Variants in FAXDC2 observed in about 807,000 individuals in gnomAD.
FAXDC2 encodes the protein fatty acid hydroxylase domain containing 2.
FAXDC2 carries 41 observed loss-of-function variants against 40.9 expected under a neutral mutation model. The observed-to-expected ratio is 1.00, with a 90% CI of 0.78 to 1.30. The LOEUF is 1.30. FAXDC2 is among the 50% of genes most tolerant of loss of function. FAXDC2 has a pLI of 0.00. For missense variants in FAXDC2, 390 were observed against 408.8 expected, an observed-to-expected ratio of 0.95 and a Z score of 0.40; for synonymous variants, 157 against 149.3, an observed-to-expected ratio of 1.05 and a Z score of -0.38.
At position 154,840,249 on chromosome 5, in the gene FAXDC2, TTTA is replaced by T. The variant is rs532463982; in HGVS notation, c.1-2074_1-2072del. ...AACTGCTCCCCTTTGACCCATTTTT[TTTA>T]TTATTATTTTTATTTTAATAACGAG... is the stretch of plus-strand genomic sequence containing the variant. On this transcript the variant is annotated intron_variant, in intron 1 of 8. Coordinates refer to ENST00000326080, the MANE Select transcript of FAXDC2 (RefSeq NM_032385.5). Among the ~76,000 whole-genome samples the T allele has an allele frequency of 1.4e-4, 21 of 152,360 alleles. No individual in the cohort carries two copies. In the South Asian group the frequency reaches 3.3e-3, roughly 24 times the overall value.
intron 1 of FAXDC2, among the ~76,000 whole-genome samples, chr5:154,847,566 C>T (rs1335751806): frequency 6.7e-6 from 1 of 148,932 alleles, no homozygotes; most frequent in Non-Finnish European, 1.5e-5. Context: ...TGGCTCACTG[C>T]AGCCTCTGCC....
At chr5:154,834,962 C>A (rs780609551) in intron 2 of FAXDC2, 28 bp from the exon 3 acceptor site, 1 of 1,433,724 alleles carries the variant, frequency 7.0e-7, no homozygotes, top group South Asian at 1.2e-5. Context: ...AGTGTCAGAC[C>A]CCAGCAAGCC....
At chr5:154,826,331 C>T (rs1167752605) in intron 5 of FAXDC2, among the ~76,000 whole-genome samples, 1 of 151,964 alleles carries the variant, frequency 6.6e-6, no homozygotes, top group Admixed American at 6.6e-5. Context: ...AGTTCAAGAC[C>T]AGCCTGGGCA....
rs1273511650 is a variant in FAXDC2, at chr5:154,822,721, C to A, written c.573-144G>T. ...CCAAGACCTGCCTTCAAATTTCAAC[C>A]CCAGCCCTTATACTGCATAGTTTGG... is the stretch of plus-strand genomic sequence containing the variant. On this transcript the variant is annotated intron_variant, in intron 6 of 8. Transcript: ENST00000326080. The A allele has an allele frequency of 1.2e-5, 8 of 663,896 alleles. No individual in the cohort carries two copies. In the East Asian group the frequency reaches 2.2e-4, roughly 18 times the overall value. The allele number at this position is 663,896 out of a possible 1,614,324, so 41.1% of individuals were successfully genotyped here. A position where few individuals can be genotyped will look rare whatever the true frequency, so the allele number is the denominator to read the frequency against.
intron 1 of FAXDC2, among the ~76,000 whole-genome samples, chr5:154,849,752 C>A (rs1760686721): frequency 6.6e-6 from 1 of 152,200 alleles, no homozygotes; most frequent in African/African-American, 2.4e-5. Context: ...AAGCAACCCA[C>A]AAATCAGCAT....
chr5:154,820,223 G>T lies in FAXDC2; in HGVS notation c.*93C>A. The stretch of plus-strand genomic sequence containing the variant: ...CCTGGTGGTGCCATCATTAGGGCGT[G>T]TGGCCGAAGGAGGCAAATTGTTAGG... On this transcript the variant is annotated 3_prime_UTR_variant, in exon 9 of 9. Transcript: ENST00000326080. 3 of 1,061,136 alleles carry T rather than the reference G, an allele frequency of 2.8e-6. No individual in the cohort carries two copies. The highest frequency in any genetic ancestry group is 2.7e-6 in the Non-Finnish European group (2 of 729,226). 65.7% of individuals were successfully genotyped at this position (1,061,136 alleles called of 1,614,324 possible).
At chr5:154,830,632 T>C (rs770170974) in intron 5 of FAXDC2, 169 bp downstream of exon 5, 19 of 667,012 alleles carry the variant, frequency 2.8e-5, no homozygotes, top group African/African-American at 5.4e-5. Flanking sequence ...GACTCTGAGG[T>C]TGTGGGCAAA....
chr5:154,820,103 T>G lies in FAXDC2; in HGVS notation c.*213A>C. On this transcript the variant is annotated 3_prime_UTR_variant, in exon 9 of 9. Coordinates refer to ENST00000326080, the MANE Select transcript of FAXDC2 (RefSeq NM_032385.5). ...AGCTGTGTTTTCCTTTTTCTTAAGCTAACTCCTGATCCCATTGAGGGACAT... is the reference window on the plus strand; with the variant it reads ...AGCTGTGTTTTCCTTTTTCTTAAGCGAACTCCTGATCCCATTGAGGGACAT... 2.0e-6 allele frequency: 1 copy of G among 499,448 alleles called. No individual in the cohort carries two copies. Among genetic ancestry groups the G allele is most frequent in the Non-Finnish European group, 3.7e-6 (1 of 270,158 alleles). The allele number at this position is 499,448 out of a possible 1,614,324, so 30.9% of individuals were successfully genotyped here. A position where few individuals can be genotyped will look rare whatever the true frequency, so the allele number is the denominator to read the frequency against.
chr5:154,821,575 G>A (rs2113118659), intron 7 of FAXDC2, 149 bp from the exon 8 acceptor site: 1 of 591,268 alleles, frequency 1.7e-6, no homozygotes, highest in African/African-American at 2.0e-5. Flanking sequence ...ATTTGTTGAA[G>A]GCATTCACCT....
chr5:154,830,856 G>C lies in FAXDC2; in HGVS notation c.311C>G (p.Thr104Arg). 2 of 1,614,158 alleles carry C rather than the reference G, an allele frequency of 1.2e-6. No homozygotes were observed. Among genetic ancestry groups the C allele is most frequent in the South Asian group, 1.1e-5 (1 of 91,084 alleles). The change falls in exon 5 of 9, where the codon ACA becomes AGA. Residue 104 changes from threonine to arginine, a missense_variant. Coordinates refer to ENST00000326080, the MANE Select transcript of FAXDC2 (RefSeq NM_032385.5). ...GCGAGAGATGAAGTTAGGTTTTCCT[G>C]TTGTGTCAACCACCAATAGAAGCCC... ...FNGLLLVVDTTGKPNFISRYR... is the reference protein window; with the variant it reads ...FNGLLLVVDTRGKPNFISRYR...
chr5:154,844,748 A>G (rs1490759860), intron 1 of FAXDC2, among the ~76,000 whole-genome samples: 1 of 152,214 alleles, frequency 6.6e-6, no homozygotes, highest in African/African-American at 2.4e-5. Context: ...AAAAACAAAA[A>G]CCAAGAGGAA....
chr5:154,841,128 C>G (rs964739795), intron 1 of FAXDC2, among the ~76,000 whole-genome samples: 1 of 146,354 alleles, frequency 6.8e-6, no homozygotes. Context: ...GGCCTAACCC[C>G]TACCCAGAGA....
intron 5 of FAXDC2, among the ~76,000 whole-genome samples, chr5:154,829,783 T>C (rs1582526450): frequency 6.6e-6 from 1 of 152,212 alleles, no homozygotes; most frequent in African/African-American, 2.4e-5. Flanking sequence ...ATTTAGTCAG[T>C]GGTGCTACAA....
Position 154,823,770 on chromosome 5 carries a change from G to T in FAXDC2, c.367-178C>A, listed in dbSNP as rs1582520051. On this transcript the variant is annotated intron_variant, in intron 5 of 8. Coordinates refer to ENST00000326080, the MANE Select transcript of FAXDC2 (RefSeq NM_032385.5). ...GGAAACGTTGCAGAATAAGGCCCTGGCTGCTAGGCAGGTGAGTAATACCCC... is the reference window on the plus strand; with the variant it reads ...GGAAACGTTGCAGAATAAGGCCCTGTCTGCTAGGCAGGTGAGTAATACCCC... 3.2e-5 allele frequency: 19 copies of T among 598,202 alleles called. No individual in the cohort carries two copies. The East Asian group carries it at 5.4e-4, about 17-fold the overall frequency. The allele number at this position is 598,202 out of a possible 1,614,324, so 37.1% of individuals were successfully genotyped here.
At chr5:154,824,392 C>T (rs572463246) in intron 5 of FAXDC2, 6 of 673,944 alleles carry the variant, frequency 8.9e-6, no homozygotes, top group African/African-American at 7.0e-5. Flanking sequence ...CAAGTTCCCT[C>T]TGTGAGCTGG....
chr5:154,830,872 A>G lies in FAXDC2; in HGVS notation c.295T>C (p.Leu99=), dbSNP rs775118476. 5.0e-6 allele frequency: 8 copies of G among 1,614,074 alleles called. No individual in the cohort carries two copies. Among genetic ancestry groups the G allele is most frequent in the South Asian group, 3.3e-5 (3 of 91,080 alleles). Residue 99 remains leucine, a synonymous_variant, in exon 5 of 9, where the codon TTG becomes CTG. Transcript: ENST00000326080. The part of the protein sequence containing the change: ...LFFWSFNGLL[L]VVDTTGKPNF... ...GGTTTTCCTGTTGTGTCAACCACCA[A>G]TAGAAGCCCATTGAAGCTCCAGAAG... is the stretch of plus-strand genomic sequence containing the variant.
rs1487446101 is a variant in FAXDC2 at position 154,818,988 on chromosome 5, G to T, written c.*1328C>A. On this transcript the variant is annotated 3_prime_UTR_variant, in exon 9 of 9. Coordinates refer to ENST00000326080, the MANE Select transcript of FAXDC2 (RefSeq NM_032385.5). ...GCCAGGGAGATGCTGCCTGGTAAGT[G>T]CTCAGCTGGCCTACTGGGCAAGTCC... 1 of 152,226 alleles carries T rather than the reference G, an allele frequency of 6.6e-6. No individual in the cohort carries two copies. The highest frequency in any genetic ancestry group is 1.5e-5 in the Non-Finnish European group (1 of 68,056). The allele number at this position is 152,226 out of a possible 1,614,324, so 9.4% of individuals were successfully genotyped here.
chr5:154,825,017 A>T (rs1759985362), intron 5 of FAXDC2, among the ~76,000 whole-genome samples: 1 of 145,478 alleles, frequency 6.9e-6, no homozygotes, highest in African/African-American at 2.5e-5. Flanking sequence ...CAGGAGTTTA[A>T]GGCACACCAG....
intron 8 of FAXDC2, 124 bp from the exon 9 acceptor site, chr5:154,820,596 A>G: frequency 2.8e-6 from 2 of 711,190 alleles, no homozygotes; most frequent in Non-Finnish European, 4.5e-6. Context: ...CACCATCCTG[A>G]CCATCTGCAT....
Sources: allele counts gnomAD v4.1 joint callset (sites outside exome capture counted in the v4.1 genomes callset), GRCh38; gene constraint gnomAD v4.1.1; transcripts MANE v1.5; gene names NCBI Gene and HGNC (gene_info 2026-07-23, HGNC 2026-07-21).